The following ROBO2 variants were observed in gnomAD, a reference collection of about 807,000 sequenced individuals.
ROBO2 encodes roundabout homolog 2.
A neutral mutation model predicts 160.8 loss-of-function variants in ROBO2; 53 were observed. That is an observed-to-expected ratio of 0.33 (90% CI 0.26 to 0.41). The LOEUF is 0.41. ROBO2 is among the 10% of genes least tolerant of loss of function. The probability of loss-of-function intolerance (pLI) is 1.00; values close to 1 mark genes in which losing one functional copy is unlikely to be tolerated. For missense variants in ROBO2, 1,577 were observed against 1,722.4 expected, an observed-to-expected ratio of 0.92 and a Z score of 1.49; for synonymous variants, 664 against 611.7, an observed-to-expected ratio of 1.09 and a Z score of -1.26.
Position 76,049,403 on chromosome 3 carries a change from A to ATT in ROBO2, c.109+111821_109+111822dup, listed in dbSNP as rs1167852972. 5.9e-3 allele frequency among the ~76,000 whole-genome samples: 319 copies of ATT among 53,740 alleles called. 1 individual carries two copies. Among genetic ancestry groups the ATT allele is most frequent in the East Asian group, 0.017 (27 of 1,574 alleles). 35.3% of individuals were successfully genotyped at this position (53,740 alleles called of 152,430 possible). On this transcript the variant is annotated intron_variant, in intron 2 of 26. Transcript: ENST00000487694. ...TTTTAGTATATATATATATATATAT[A>ATT]TTTTTTTTTTTTTTTTTTTTTGTAG...
At chr3:76,122,046 A>G (rs2070772793) in intron 2 of ROBO2, among the ~76,000 whole-genome samples, 1 of 152,240 alleles carries the variant, frequency 6.6e-6, no homozygotes, top group African/African-American at 2.4e-5. Context: ...ATGCATGGAA[A>G]GCCTGCATTA....
chr3:77,115,568 A>G (rs1175593708), intron 2 of ROBO2, among the ~76,000 whole-genome samples: 2 of 152,212 alleles, frequency 1.3e-5, no homozygotes, highest in African/African-American at 2.4e-5. Flanking sequence ...CAAGTAACAA[A>G]TACAATAAGC....
chr3:76,696,107 G>C, intron 2 of ROBO2, among the ~76,000 whole-genome samples: 1 of 152,080 alleles, frequency 6.6e-6, no homozygotes, highest in East Asian at 1.9e-4. Flanking sequence ...ATTTAATTCT[G>C]ATCCAATTCC....
At chr3:76,022,512 G>T (rs544032955) in intron 2 of ROBO2, among the ~76,000 whole-genome samples, 1 of 151,846 alleles carries the variant, frequency 6.6e-6, no homozygotes, top group South Asian at 2.1e-4. Context: ...CTACAGAATG[G>T]ATGTTGTGTT....
chr3:76,710,604 G>A (rs779309754), intron 2 of ROBO2, among the ~76,000 whole-genome samples: 5 of 152,190 alleles, frequency 3.3e-5, no homozygotes, highest in African/African-American at 7.2e-5. Context: ...TCAGAATACA[G>A]CAGGTTGAGA....
chr3:76,989,842 A>C (rs1006658825), intron 2 of ROBO2, among the ~76,000 whole-genome samples: 5 of 152,174 alleles, frequency 3.3e-5, no homozygotes, highest in Non-Finnish European at 7.3e-5. Flanking sequence ...GTCTGTGTGT[A>C]TGTGTGTGTC....
chr3:76,049,226 G>C (rs1256231214), intron 2 of ROBO2, among the ~76,000 whole-genome samples: 1 of 150,932 alleles, frequency 6.6e-6, no homozygotes, highest in Admixed American at 6.6e-5. Context: ...CTGTTTTTTT[G>C]AGACAGGGTT....
intron 2 of ROBO2, among the ~76,000 whole-genome samples, chr3:76,447,273 CA>C (rs1192927865): frequency 1.3e-5 from 2 of 151,936 alleles, no homozygotes; most frequent in East Asian, 1.9e-4. Context: ...TTTATGCAGC[CA>C]AAAAACACAT....
At chr3:77,187,030 T>C (rs988631667) in intron 2 of ROBO2, among the ~76,000 whole-genome samples, 1 of 151,978 alleles carries the variant, frequency 6.6e-6, no homozygotes, top group Admixed American at 6.6e-5. Flanking sequence ...AGCTATTGTT[T>C]CTTCTGTAAG....
intron 2 of ROBO2, among the ~76,000 whole-genome samples, chr3:76,384,406 T>C (rs1231059723): frequency 2.0e-5 from 3 of 152,160 alleles, no homozygotes; most frequent in Non-Finnish European, 4.4e-5. Context: ...GTTTTGGTCA[T>C]GAGAATATTT....
chr3:77,081,254 C>T (rs1375373043), intron 1 of ROBO2, among the ~76,000 whole-genome samples: 1 of 152,200 alleles, frequency 6.6e-6, no homozygotes, highest in Admixed American at 6.5e-5. Flanking sequence ...TGATTCTTTA[C>T]AATCCAAGGG....
At chr3:77,336,870 C>T (rs1293378458) in intron 2 of ROBO2, among the ~76,000 whole-genome samples, 4 of 152,004 alleles carry the variant, frequency 2.6e-5, no homozygotes, top group East Asian at 1.9e-4. Context: ...TTTCCCAAGG[C>T]CAAAAACAAA....
At chr3:76,464,678 T>TA (rs1281003120) in intron 2 of ROBO2, among the ~76,000 whole-genome samples, 1 of 152,090 alleles carries the variant, frequency 6.6e-6, no homozygotes, top group Admixed American at 6.6e-5. Flanking sequence ...AACCAAAATA[T>TA]AAAAAACTAA....
At chr3:76,383,534 TA>T (rs974080827) in intron 2 of ROBO2, among the ~76,000 whole-genome samples, 3 of 152,354 alleles carry the variant, frequency 2.0e-5, no homozygotes, top group African/African-American at 2.4e-5. Flanking sequence ...TTTTTCCTGA[TA>T]AATAGTGCTT....
intron 2 of ROBO2, among the ~76,000 whole-genome samples, chr3:77,470,399 G>T (rs986264422): frequency 6.6e-6 from 1 of 152,150 alleles, no homozygotes; most frequent in African/African-American, 2.4e-5. Context: ...GTGGAGAGAG[G>T]ATGAATAGAC....
intron 2 of ROBO2, among the ~76,000 whole-genome samples, chr3:77,012,376 A>C (rs1301231317): frequency 6.6e-6 from 1 of 152,214 alleles, no homozygotes; most frequent in East Asian, 1.9e-4. Flanking sequence ...TTTCAGCCTA[A>C]AGATTAATTC....
At chr3:76,557,901 C>A (rs1033832193) in intron 2 of ROBO2, among the ~76,000 whole-genome samples, 5 of 144,352 alleles carry the variant, frequency 3.5e-5, no homozygotes, top group Non-Finnish European at 7.6e-5. Flanking sequence ...AAAAAAAAAA[C>A]TACTTGTTTA....
intron 2 of ROBO2, among the ~76,000 whole-genome samples, chr3:77,187,682 C>A (rs1264732057): frequency 1.3e-5 from 2 of 151,862 alleles, no homozygotes; most frequent in Admixed American, 1.3e-4. Context: ...TATTTTGGCA[C>A]TTGGAATCTC....
chr3:76,434,701 A>G lies in ROBO2; in HGVS notation c.109+497099A>G, dbSNP rs564748317. ...GATCAGGTCCTCCTCCCCGTTCACC[A>G]GGCAGGCCCCCCTCCTCCCCCAGTC... On this transcript the variant is annotated intron_variant, in intron 2 of 26. Transcript: ENST00000487694. 2.1e-5 allele frequency: 23 copies of G among 1,084,610 alleles called. No homozygotes were observed. In the African/African-American group the frequency reaches 3.5e-4, roughly 17 times the overall value. The allele number at this position is 1,084,610 out of a possible 1,614,324, so 67.2% of individuals were successfully genotyped here. A position where few individuals can be genotyped will look rare whatever the true frequency, so the allele number is the denominator to read the frequency against.
Sources: gnomAD v4.1 joint callset for allele counts (sites outside exome capture counted in the v4.1 genomes callset) on GRCh38, gnomAD v4.1.1 for gene constraint, MANE v1.5 for transcripts, NCBI Gene and HGNC (gene_info 2026-07-23, HGNC 2026-07-21) for gene names.